The following CTNNA2 variants were observed in gnomAD, a reference collection of about 807,000 sequenced individuals.
The protein encoded by CTNNA2 is catenin alpha-2.
Under a neutral mutation model 101.0 loss-of-function variants are expected in CTNNA2, and 42 were observed. The observed-to-expected ratio is 0.42, with a 90% CI of 0.32 to 0.54. The LOEUF is 0.54. Among genes scored for constraint, CTNNA2 ranks in the 20% least tolerant of loss-of-function variants. The pLI is 0.14. For synonymous variants in CTNNA2, 450 were observed against 456.4 expected, an observed-to-expected ratio of 0.99 and a Z score of 0.18; for missense variants, 871 against 1,223.1, an observed-to-expected ratio of 0.71 and a Z score of 4.29.
intron 9 of CTNNA2, among the ~76,000 whole-genome samples, chr2:80,524,280 T>G (rs1387559175): frequency 6.6e-6 from 1 of 152,160 alleles, no homozygotes; most frequent in Admixed American, 6.5e-5. Context: ...CATAAGATAG[T>G]ATCTTGTATA....
At chr2:79,834,768 AT>A (rs5832411) in intron 3 of CTNNA2, among the ~76,000 whole-genome samples, 136,096 of 152,064 alleles carry the variant, frequency 0.89, 61,039 homozygotes, top group Non-Finnish European at 0.9. Context: ...TATTTAAGAA[AT>A]TTTTTTCTAA....
chr2:80,533,090 A>C (rs998827097), intron 9 of CTNNA2, among the ~76,000 whole-genome samples: 2 of 152,198 alleles, frequency 1.3e-5, no homozygotes, highest in Admixed American at 6.5e-5. Context: ...CATGATAGCT[A>C]TGTGTGTATC....
In CTNNA2 at chr2:79,323,631, G is replaced by C. The variant is rs1375395043; in HGVS notation, c.-318+10835G>C. ...TCATGTTGCCACAAGTTTCAAGGGA[G>C]ACTGACCTCATTCAGAATTCTGTTC... On this transcript the variant is annotated intron_variant, in intron 3 of 21. Transcript: ENST00000466387. 3.3e-5 allele frequency among the ~76,000 whole-genome samples: 5 copies of C among 152,252 alleles called. No individual in the cohort carries two copies. The East Asian group carries it at 9.7e-4, about 29-fold the overall frequency.
At chr2:80,361,402 G>A (rs1396555093) in intron 7 of CTNNA2, among the ~76,000 whole-genome samples, 1 of 152,064 alleles carries the variant, frequency 6.6e-6, no homozygotes, top group Non-Finnish European at 1.5e-5. Flanking sequence ...AGCTCACTGG[G>A]TTCTGAATAT....
chr2:79,385,399 A>G (rs1189387206), intron 4 of CTNNA2, among the ~76,000 whole-genome samples: 1 of 152,188 alleles, frequency 6.6e-6, no homozygotes, highest in East Asian at 1.9e-4. Context: ...ACTTGGATTA[A>G]ATGTTTATTT....
intron 1 of CTNNA2, among the ~76,000 whole-genome samples, chr2:79,616,853 G>C (rs192490371): frequency 6.6e-6 from 1 of 151,488 alleles, no homozygotes; most frequent in Non-Finnish European, 1.5e-5. Context: ...GTCTTTTGGC[G>C]TTTGTCATTT....
chr2:79,294,702 T>G (rs1675933021), intron 2 of CTNNA2, among the ~76,000 whole-genome samples: 1 of 152,178 alleles, frequency 6.6e-6, no homozygotes, highest in African/African-American at 2.4e-5. Flanking sequence ...CATTTTATCT[T>G]TTCTTATTGT....
chr2:79,238,927 T>C (rs1674589700), intron 2 of CTNNA2, among the ~76,000 whole-genome samples: 1 of 152,270 alleles, frequency 6.6e-6, no homozygotes, highest in South Asian at 2.1e-4. Context: ...TAAGGCAAAA[T>C]ACAAGAATAA....
chr2:79,579,048 CTTTT>C (rs1675977677), intron 1 of CTNNA2, among the ~76,000 whole-genome samples: 1 of 151,668 alleles, frequency 6.6e-6, no homozygotes, highest in South Asian at 2.1e-4. Flanking sequence ...TTCTTCCTTC[CTTTT>C]TTCTCTTTTC....
chr2:80,611,096 A>G (rs1203411632), intron 17 of CTNNA2, among the ~76,000 whole-genome samples: 2 of 151,628 alleles, frequency 1.3e-5, no homozygotes, highest in African/African-American at 2.4e-5. Context: ...TTGTGAGCCA[A>G]TTCAGCTTAA....
intron 9 of CTNNA2, among the ~76,000 whole-genome samples, chr2:80,531,229 G>C (rs1333985470): frequency 6.6e-6 from 1 of 152,188 alleles, no homozygotes; most frequent in African/African-American, 2.4e-5. Context: ...TTGTGACACA[G>C]GTTCCCAGGA....
chr2:80,596,658 G>A (rs1443321696), intron 15 of CTNNA2, among the ~76,000 whole-genome samples: 1 of 152,042 alleles, frequency 6.6e-6, no homozygotes, highest in Non-Finnish European at 1.5e-5. Flanking sequence ...TGCAAACAGA[G>A]ACAATTTGAC....
intron 7 of CTNNA2, among the ~76,000 whole-genome samples, chr2:79,933,493 C>T (rs1574347540): frequency 6.7e-6 from 1 of 149,542 alleles, no homozygotes. Flanking sequence ...CTTCCTCTGT[C>T]GCCCAGGCTG....
chr2:80,338,179 G>A (rs1005292770), intron 7 of CTNNA2, among the ~76,000 whole-genome samples: 4 of 152,056 alleles, frequency 2.6e-5, no homozygotes, highest in Non-Finnish European at 4.4e-5. Flanking sequence ...GGTAGAGACA[G>A]GGTTTTGCCA....
chr2:80,112,979 A>G (rs532925876), intron 7 of CTNNA2, among the ~76,000 whole-genome samples: 12 of 152,252 alleles, frequency 7.9e-5, no homozygotes, highest in African/African-American at 2.9e-4. Flanking sequence ...GAGTTGCGTA[A>G]AGGCTGGCTG....
At chr2:80,461,612 G>A (rs1383456819) in intron 9 of CTNNA2, among the ~76,000 whole-genome samples, 1 of 152,026 alleles carries the variant, frequency 6.6e-6, no homozygotes, top group Non-Finnish European at 1.5e-5. Context: ...TACATTCAGT[G>A]GTGCAATAAA....
chr2:80,530,196 C>T (rs1018099824), intron 9 of CTNNA2, among the ~76,000 whole-genome samples: 7 of 152,074 alleles, frequency 4.6e-5, no homozygotes, highest in African/African-American at 1.2e-4. Context: ...TCTGAGAGGG[C>T]GTGAAATAAC....
intron 7 of CTNNA2, among the ~76,000 whole-genome samples, chr2:80,132,062 CA>C (rs1173473864): frequency 3.1e-4 from 47 of 152,188 alleles, no homozygotes; most frequent in Admixed American, 2.0e-3. Flanking sequence ...GCCTGGGTGA[CA>C]AGAGTGAAAC....
At chr2:80,489,991 C>A (rs1361414229) in intron 9 of CTNNA2, among the ~76,000 whole-genome samples, 1 of 152,032 alleles carries the variant, frequency 6.6e-6, no homozygotes, top group Non-Finnish European at 1.5e-5. Flanking sequence ...ATGAATCAGA[C>A]CTGAGTTAAA....
Sources: gnomAD v4.1 joint callset for allele counts (sites outside exome capture counted in the v4.1 genomes callset) on GRCh38, gnomAD v4.1.1 for gene constraint, MANE v1.5 for transcripts, NCBI Gene and HGNC (gene_info 2026-07-23, HGNC 2026-07-21) for gene names.